Variants in NBPF3 observed in about 807,000 individuals in gnomAD.
The protein encoded by NBPF3 is NBPF family member NBPF3.
NBPF3 carries 57 observed loss-of-function variants against 78.1 expected under a neutral mutation model. The observed-to-expected ratio is 0.73, with a 90% confidence interval of 0.59 to 0.91. The LOEUF is 0.91. NBPF3 is among the 40% of genes least tolerant of loss of function. The probability of loss-of-function intolerance (pLI) is 0.00; values close to 1 mark genes in which losing one functional copy is unlikely to be tolerated. For missense variants in NBPF3, 510 were observed against 715.3 expected (o/e 0.71, Z 3.27); for synonymous variants, 182 against 271.7 (o/e 0.67, Z 3.25).
intron 2 of NBPF3, among the ~76,000 whole-genome samples, chr1:21,464,330 A>C (rs1035249258): frequency 6.6e-6 from 1 of 152,226 alleles, no homozygotes; most frequent in Non-Finnish European, 1.5e-5. Context: ...ATGAAACTTG[A>C]GAACAATATT....
chr1:21,437,544 G>A (rs1640448173), upstream of NBPF3: 20 of 1,304,792 alleles, frequency 1.5e-5, no homozygotes, highest in Non-Finnish European at 2.0e-5. Context: ...TGCTGGGGAG[G>A]TCTGAGCTGG....
In NBPF3 at chr1:21,472,851, G is replaced by A; in HGVS notation, c.670G>A (p.Asp224Asn). Residue 224 changes from aspartate to asparagine, a missense_variant, in exon 6 of 15, where the codon GAC becomes AAC. By Grantham distance (23) the Asp-to-Asn change is conservative. Coordinates refer to ENST00000318249, the MANE Select transcript of NBPF3 (RefSeq NM_032264.6). ...LVQKLSPEND[D>N]DEDEDVKVEE... ...CACTTCTGTATTTACAGAAAATGATGACGATGAGGATGAAGATGTTAAAGT... is the reference window on the plus strand; with the variant it reads ...CACTTCTGTATTTACAGAAAATGATAACGATGAGGATGAAGATGTTAAAGT... 1 of 1,610,964 alleles carries A rather than the reference G, an allele frequency of 6.2e-7. No homozygotes were observed. Among genetic ancestry groups the A allele is most frequent in the South Asian group, 1.1e-5 (1 of 91,002 alleles).
At chr1:21,444,060 T>C (rs1640820538) in intron 1 of NBPF3, among the ~76,000 whole-genome samples, 1 of 152,222 alleles carries the variant, frequency 6.6e-6, no homozygotes, top group South Asian at 2.1e-4. Context: ...CTACCGGCAA[T>C]TAGAGATTTT....
intron 1 of NBPF3, among the ~76,000 whole-genome samples, chr1:21,444,084 A>C (rs1640823011): frequency 6.6e-6 from 1 of 152,238 alleles, no homozygotes; most frequent in Middle Eastern, 3.4e-3. Context: ...TCTTTTATTC[A>C]CCACTGTATT....
chr1:21,466,484 A>T (rs1448181330), intron 2 of NBPF3, among the ~76,000 whole-genome samples: 2 of 152,304 alleles, frequency 1.3e-5, no homozygotes, highest in African/African-American at 2.4e-5. Flanking sequence ...AATCATTGGT[A>T]TTCCATAGAA....
Position 21,460,723 on chromosome 1 carries a change from G to A in NBPF3, c.134-7965G>A, listed in dbSNP as rs1219238013. Among the ~76,000 whole-genome samples, 2 of 152,134 alleles carry A rather than the reference G, an allele frequency of 1.3e-5. No homozygotes were observed. The highest frequency in any genetic ancestry group is 4.8e-5 in the African/African-American group (2 of 41,418). ...GAAAATGTTTCTTAGACTAGATACT[G>A]TAACACTCACCACAATAAGAAATCA... On this transcript the variant is annotated intron_variant, in intron 2 of 14. Transcript: ENST00000318249. The surrounding 1 kb of genome is among the most constrained non-coding windows in gnomAD (Gnocchi z 4.2).
intron 2 of NBPF3, among the ~76,000 whole-genome samples, chr1:21,447,760 C>G (rs1329966841): frequency 1.3e-5 from 2 of 152,178 alleles, no homozygotes; most frequent in South Asian, 2.1e-4. Context: ...TGACAGTACC[C>G]TTTTGATTTC....
At chr1:21,470,859 T>G (rs1642549034) in intron 4 of NBPF3, 125 bp downstream of exon 4, 1 of 586,720 alleles carries the variant, frequency 1.7e-6, no homozygotes, top group African/African-American at 1.9e-5. Flanking sequence ...CATGGCAGGC[T>G]CACGACACAC....
upstream of NBPF3, among the ~76,000 whole-genome samples, chr1:21,438,745 TG>T (rs1640484919): frequency 6.6e-6 from 1 of 152,158 alleles, no homozygotes; most frequent in Admixed American, 6.5e-5. Flanking sequence ...CACAGTCACG[TG>T]GCTCGTCCTG....
intron 2 of NBPF3, among the ~76,000 whole-genome samples, chr1:21,452,460 G>C (rs1022550032): frequency 6.6e-6 from 1 of 152,202 alleles, no homozygotes; most frequent in Non-Finnish European, 1.5e-5. Flanking sequence ...ACATTTGGAG[G>C]TAATTCAGTA....
intron 2 of NBPF3, among the ~76,000 whole-genome samples, chr1:21,447,560 C>T (rs1641061506): frequency 6.6e-6 from 1 of 152,136 alleles, no homozygotes. Context: ...TAAGTTCCTC[C>T]ATGTCTTTTC....
chr1:21,466,465 CTTAGTGAGAATCA>C (rs1216002206), intron 2 of NBPF3, among the ~76,000 whole-genome samples: 2 of 152,302 alleles, frequency 1.3e-5, no homozygotes, highest in Admixed American at 1.3e-4. Flanking sequence ...AGGCCAAAGT[CTTAGTGAGAATCA>C]TTGGTATTCC....
At chr1:21,478,073 T>C (rs1642978355) in intron 8 of NBPF3, 71 bp from the exon 9 acceptor site, 2 of 1,611,894 alleles carry the variant, frequency 1.2e-6, no homozygotes, top group Admixed American at 3.3e-5. Context: ...CATCAGATCA[T>C]CTGGAAGGTT....
chr1:21,472,781 G>A (rs1642669496), intron 5 of NBPF3, 62 bp from the exon 6 acceptor site: 3 of 1,179,002 alleles, frequency 2.5e-6, no homozygotes, highest in Admixed American at 1.7e-5. Flanking sequence ...TGCACATTCG[G>A]CTGACTGTGC....
At chr1:21,479,972 T>C in intron 10 of NBPF3, 79 bp from the exon 11 acceptor site, 1 of 805,750 alleles carries the variant, frequency 1.2e-6, no homozygotes, top group Non-Finnish European at 2.3e-6. Flanking sequence ...CAGTTCCTTA[T>C]GTTACCCATG....
chr1:21,473,671 T>C (rs1373366638), intron 7 of NBPF3, 86 bp downstream of exon 7: 2 of 1,185,480 alleles, frequency 1.7e-6, no homozygotes, highest in Non-Finnish European at 2.5e-6. Context: ...CACAGATTGG[T>C]TTTAATAAAA....
At chr1:21,482,033 G>T (rs911820058) in intron 13 of NBPF3, among the ~76,000 whole-genome samples, 4 of 147,020 alleles carry the variant, frequency 2.7e-5, no homozygotes, top group African/African-American at 1.0e-4. Context: ...TGGGCAGATG[G>T]GACAAATTCA....
intron 2 of NBPF3, among the ~76,000 whole-genome samples, chr1:21,458,169 C>T (rs1475303053): frequency 6.6e-6 from 1 of 152,108 alleles, no homozygotes; most frequent in African/African-American, 2.4e-5. Context: ...TTGGGGAGTT[C>T]CTTCAGACCT....
chr1:21,464,921 C>T (rs1472798983), intron 2 of NBPF3, among the ~76,000 whole-genome samples: 2 of 149,830 alleles, frequency 1.3e-5, no homozygotes, highest in Non-Finnish European at 1.5e-5. Context: ...GCAGGAGGAT[C>T]GCTTGAGCCC....
Sources: gnomAD v4.1 joint callset for allele counts (sites outside exome capture counted in the v4.1 genomes callset) on GRCh38, gnomAD v4.1.1 for gene constraint, Gnocchi (gnomAD v3.1) non-coding constraint, MANE v1.5 for transcripts, NCBI Gene and HGNC (gene_info 2026-07-23, HGNC 2026-07-21) for gene names.